The following IP6K2 variants were observed in gnomAD, a reference collection of about 807,000 sequenced individuals.
IP6K2 encodes ATP:1D-myo-inositol-hexakisphosphate phosphotransferase.
In IP6K2, 9 loss-of-function variants were observed where a neutral mutation model predicts 43.3. The observed-to-expected ratio is 0.21, with a 90% CI of 0.13 to 0.36. The LOEUF is 0.36. Ranked by LOEUF, IP6K2 falls within the 10% of genes least tolerant of loss-of-function variation. IP6K2 has a pLI of 1.00. For synonymous variants in IP6K2, 209 were observed against 202.4 expected (o/e 1.03, Z -0.28); for missense variants, 332 against 538.4 (o/e 0.62, Z 3.79).
At chr3:48,707,059 A>G (rs1271389264) in intron 1 of IP6K2, among the ~76,000 whole-genome samples, 3 of 152,206 alleles carry the variant, frequency 2.0e-5, no homozygotes, top group African/African-American at 7.2e-5. Flanking sequence ...ATATATTTAT[A>G]TTATTTTATA....
chr3:48,708,024 G>C (rs910257759), intron 1 of IP6K2: 2 of 152,034 alleles, frequency 1.3e-5, no homozygotes, highest in Non-Finnish European at 2.9e-5. Flanking sequence ...TCAGTCTACC[G>C]AGAAATATGT....
intron 1 of IP6K2, among the ~76,000 whole-genome samples, chr3:48,699,096 G>A (rs187442830): frequency 2.0e-5 from 3 of 152,214 alleles, no homozygotes; most frequent in South Asian, 4.1e-4. Flanking sequence ...CCTTCATGGC[G>A]TCTCTAGAGT....
intron 2 of IP6K2, chr3:48,694,249 AAAC>A (rs2078059769): frequency 6.4e-7 from 1 of 1,551,434 alleles, no homozygotes; most frequent in Admixed American, 2.0e-5. Flanking sequence ...TCCTGGAAAA[AAAC>A]AACAGAGAAG....
At chr3:48,710,516 A>G (rs2080359526) in intron 1 of IP6K2, among the ~76,000 whole-genome samples, 1 of 152,220 alleles carries the variant, frequency 6.6e-6, no homozygotes, top group Admixed American at 6.5e-5. Flanking sequence ...TCCAAAGTAA[A>G]AACGGTCTTT....
At chr3:48,693,207 C>T (rs2077955612) in intron 2 of IP6K2, 28 bp from the exon 3 acceptor site, 1 of 1,566,806 alleles carries the variant, frequency 6.4e-7, no homozygotes, top group Non-Finnish European at 8.8e-7. Context: ...GCAGAAAGAA[C>T]TTTTAATTTA....
At chr3:48,690,592 C>G (rs2077684048) in intron 4 of IP6K2, among the ~76,000 whole-genome samples, 1 of 151,716 alleles carries the variant, frequency 6.6e-6, no homozygotes. Context: ...GAGTTTGGAT[C>G]AGCCTGGCCA....
chr3:48,700,782 T>C (rs546906621), intron 1 of IP6K2, among the ~76,000 whole-genome samples: 3 of 152,276 alleles, frequency 2.0e-5, no homozygotes, highest in South Asian at 2.1e-4. Flanking sequence ...CTACTTACTC[T>C]GGCTTAAGAA....
In IP6K2 at chr3:48,697,082, G is replaced by A. The variant is rs1286844663; in HGVS notation, c.-130-1661C>T. On this transcript the variant is annotated intron_variant, in intron 1 of 5. Coordinates refer to ENST00000328631, the MANE Select transcript of IP6K2 (RefSeq NM_016291.4). ...GTCACCCAGACTGGAGTGCAGTGGCGAGATCTCGGCTCACTGCAAGCTCCG... is the reference window on the plus strand; with the variant it reads ...GTCACCCAGACTGGAGTGCAGTGGCAAGATCTCGGCTCACTGCAAGCTCCG... Among the ~76,000 whole-genome samples, 180 of 150,512 alleles carry A rather than the reference G, an allele frequency of 1.2e-3. 1 individual carries two copies. The highest frequency in any genetic ancestry group is 3.5e-4 in the Non-Finnish European group (24 of 67,726).
At chr3:48,690,412 G>A (rs1189504233) in intron 4 of IP6K2, among the ~76,000 whole-genome samples, 1 of 151,910 alleles carries the variant, frequency 6.6e-6, no homozygotes, top group Non-Finnish European at 1.5e-5. Context: ...GAGGCAGGAG[G>A]ATCACTTGAG....
intron 1 of IP6K2, among the ~76,000 whole-genome samples, chr3:48,698,132 T>C (rs547801664): frequency 5.9e-5 from 9 of 152,348 alleles, no homozygotes; most frequent in African/African-American, 2.2e-4. Flanking sequence ...TTCCAGGCTC[T>C]ATCCAGAAGA....
chr3:48,707,487 T>G, intron 1 of IP6K2, among the ~76,000 whole-genome samples: 1 of 152,158 alleles, frequency 6.6e-6, no homozygotes, highest in East Asian at 1.9e-4. Context: ...CAGGCTGGAG[T>G]GCAATGGCCT....
chr3:48,699,475 C>G (rs1245420937), intron 1 of IP6K2: 1 of 152,178 alleles, frequency 6.6e-6, no homozygotes, highest in Non-Finnish European at 1.5e-5. Context: ...TCCAACTTCT[C>G]TTCTCCAGAG....
chr3:48,702,469 G>A (rs1284063934), intron 1 of IP6K2, among the ~76,000 whole-genome samples: 38 of 145,480 alleles, frequency 2.6e-4, no homozygotes, highest in Non-Finnish European at 1.0e-4. Context: ...TTGAGATAGA[G>A]TCTTGCTCTG....
intron 1 of IP6K2, among the ~76,000 whole-genome samples, chr3:48,707,934 T>C (rs1305262322): frequency 6.6e-6 from 1 of 152,136 alleles, no homozygotes; most frequent in Non-Finnish European, 1.5e-5. Flanking sequence ...AGCTGCCCTA[T>C]CTCTCTGCCT....
chr3:48,716,027 TAAAACAACACCCTG>T (rs943364429), intron 1 of IP6K2, among the ~76,000 whole-genome samples: 2 of 152,152 alleles, frequency 1.3e-5, no homozygotes, highest in African/African-American at 4.8e-5. Flanking sequence ...TGGCTAAAGT[TAAAACAACACCCTG>T]AAGCTTCTCT....
chr3:48,710,970 G>A (rs964953924), intron 1 of IP6K2, among the ~76,000 whole-genome samples: 11 of 152,118 alleles, frequency 7.2e-5, no homozygotes, highest in East Asian at 1.9e-4. Context: ...CGCAGTTGGT[G>A]TAATCACAGC....
intron 3 of IP6K2, 32 bp downstream of exon 3, chr3:48,692,922 A>G (rs2077929116): frequency 6.6e-7 from 1 of 1,523,852 alleles, no homozygotes. Context: ...CCCCTCCCAC[A>G]TAGCCCAGAG....
chr3:48,692,947 C>T lies in IP6K2; in HGVS notation c.428+7G>A. 1 of 1,603,562 alleles carries T rather than the reference C, an allele frequency of 6.2e-7. No homozygotes were observed. Among genetic ancestry groups the T allele is most frequent in the Non-Finnish European group, 8.5e-7 (1 of 1,171,412 alleles). ...ATAGCCCAGAGTTGCCCTCTGTCTA[C>T]ACTCACCTCTTCATTTTCTCCTCTT... is the stretch of plus-strand genomic sequence containing the variant. On this transcript the variant is annotated splice_region_variant and intron_variant, in intron 3 of 5. Transcript: ENST00000328631.
chr3:48,694,848 T>C lies in IP6K2; in HGVS notation c.202+242A>G, dbSNP rs1218135205. 4 of 1,537,094 alleles carry C rather than the reference T, an allele frequency of 2.6e-6. No individual in the cohort carries two copies. The East Asian group carries it at 9.8e-5, about 38-fold the overall frequency. On this transcript the variant is annotated intron_variant, in intron 2 of 5. Coordinates refer to ENST00000328631, the MANE Select transcript of IP6K2 (RefSeq NM_016291.4). Reference sequence around the variant, plus strand: ...ACCTGAACATAAAACACAACTACACTTCTACCAAAATCAAACTCAAATCCA... The same window carrying C: ...ACCTGAACATAAAACACAACTACACCTCTACCAAAATCAAACTCAAATCCA...
Sources: gnomAD v4.1 joint callset for allele counts (sites outside exome capture counted in the v4.1 genomes callset) on GRCh38, gnomAD v4.1.1 for gene constraint, MANE v1.5 for transcripts, NCBI Gene and HGNC (gene_info 2026-07-23, HGNC 2026-07-21) for gene names.